The following STAM variants were observed in gnomAD, a reference collection of about 807,000 sequenced individuals.
STAM encodes the protein signal transducing adaptor molecule, also known as signal transducing adapter molecule 1.
A neutral mutation model predicts 63.4 loss-of-function variants in STAM; 16 were observed. The observed-to-expected ratio is 0.25, with a 90% confidence interval of 0.17 to 0.38. The LOEUF (loss-of-function observed/expected upper bound fraction) is 0.38. STAM is among the 10% of genes least tolerant of loss of function. The pLI is 1.00. For missense variants in STAM, 636 were observed against 657.1 expected (o/e 0.97, Z 0.35); for synonymous variants, 238 against 223.9 (o/e 1.06, Z -0.56).
chr10:17,675,739 G>C (rs534282121), intron 2 of STAM, among the ~76,000 whole-genome samples: 1 of 152,188 alleles, frequency 6.6e-6, no homozygotes, highest in South Asian at 2.1e-4. Flanking sequence ...CACCTAGAAG[G>C]TAATTAATGA....
At chr10:17,673,138 A>T (rs563940140) in intron 2 of STAM, 5 of 622,018 alleles carry the variant, frequency 8.0e-6, no homozygotes, top group East Asian at 1.4e-4. Context: ...TTCTCTTACC[A>T]TGTATTTTTA....
intron 5 of STAM, among the ~76,000 whole-genome samples, chr10:17,691,580 A>G (rs1835539292): frequency 6.6e-6 from 1 of 152,210 alleles, no homozygotes; most frequent in Non-Finnish European, 1.5e-5. Flanking sequence ...TAAGTGAGGA[A>G]TGTAGAACTG....
intron 2 of STAM, among the ~76,000 whole-genome samples, chr10:17,683,940 C>T (rs17463996): frequency 0.12 from 18,791 of 152,130 alleles, 1,245 homozygotes; most frequent in Middle Eastern, 0.26. Flanking sequence ...TGGTTACATT[C>T]GTCTGTGGCT....
chr10:17,711,820 A>G (rs1436408943), intron 13 of STAM, among the ~76,000 whole-genome samples: 1 of 152,218 alleles, frequency 6.6e-6, no homozygotes, highest in African/African-American at 2.4e-5. Context: ...TCTTAGGGAT[A>G]ATGAAAAAGT....
At chr10:17,689,495 A>G (rs1166960211) in intron 5 of STAM, among the ~76,000 whole-genome samples, 2 of 152,252 alleles carry the variant, frequency 1.3e-5, no homozygotes, top group Non-Finnish European at 2.9e-5. Context: ...ATTTTGGTTT[A>G]AAATTTTCTT....
In STAM at chr10:17,695,118, C is replaced by A; in HGVS notation, c.605C>A (p.Ser202Tyr). 1 of 1,614,074 alleles carries A rather than the reference C, an allele frequency of 6.2e-7. No homozygotes were observed. The highest frequency in any genetic ancestry group is 1.1e-5 in the South Asian group (1 of 91,076). Residue 202 changes from serine (S) to tyrosine (Y), a missense_variant, in exon 7 of 14, where the codon TCC becomes TAC. Around this residue, in one of 3 missense-constraint regions of STAM, gnomAD observed 532 missense variants for 536.9 expected, o/e 0.99. Coordinates refer to ENST00000377524, the MANE Select transcript of STAM (RefSeq NM_003473.4). ...CTTTCCACTTTGTATCCAAGCACAT[C>A]CAGTCTCTTAACTAACCACCAACAT... ...TTLSTLYPST[S>Y]SLLTNHQHEG... is the part of the protein sequence containing the mutation.
chr10:17,705,920 A>T (rs1300546989), intron 12 of STAM, among the ~76,000 whole-genome samples, 179 bp downstream of exon 12: 1 of 151,828 alleles, frequency 6.6e-6, no homozygotes, highest in Non-Finnish European at 1.5e-5. Flanking sequence ...AAAAAAAAAA[A>T]AATTAGCCAG....
intron 4 of STAM, 54 bp from the exon 5 acceptor site, chr10:17,687,973 T>C: frequency 6.8e-7 from 1 of 1,460,802 alleles, no homozygotes; most frequent in Middle Eastern, 1.9e-4. Flanking sequence ...AATGTCTGTA[T>C]TAAATCATTG....
intron 2 of STAM, among the ~76,000 whole-genome samples, chr10:17,661,935 T>C (rs1834186571): frequency 6.6e-6 from 1 of 152,204 alleles, no homozygotes. Context: ...CATTTTAGTA[T>C]ATTCTGACCT....
chr10:17,679,035 G>A (rs782036090), intron 2 of STAM, among the ~76,000 whole-genome samples: 1 of 152,084 alleles, frequency 6.6e-6, no homozygotes, highest in Non-Finnish European at 1.5e-5. Context: ...TGGACATTTG[G>A]CTGTTGTGAA....
At chr10:17,696,244 CA>C (rs1835750666) in intron 7 of STAM, 1 of 151,366 alleles carries the variant, frequency 6.6e-6, no homozygotes, top group East Asian at 1.9e-4. Flanking sequence ...TCTGTTCTTT[CA>C]AAAACATGTA....
chr10:17,644,317 G>A lies in STAM; in HGVS notation c.-23G>A. Reference sequence around the variant, plus strand: ...CGTGCTGTCGAGAGGGAGTCCCCGGGGACACCTCGGCACGCAGCGGAGATG... The same window carrying A: ...CGTGCTGTCGAGAGGGAGTCCCCGGAGACACCTCGGCACGCAGCGGAGATG... On this transcript the variant is annotated 5_prime_UTR_variant, in exon 1 of 14. Transcript: ENST00000377524. 1 of 1,614,054 alleles carries A rather than the reference G, an allele frequency of 6.2e-7. No homozygotes were observed. The highest frequency in any genetic ancestry group is 8.5e-7 in the Non-Finnish European group (1 of 1,179,990).
rs868991670 is a variant in STAM at position 17,695,084 on chromosome 10, T to G, written c.571T>G (p.Ser191Ala). ...GTCTCTCAAGGAACAAAGGCAGCAG[T>G]CAACCACCCTTTCCACTTTGTATCC... ...ELSLKEQRQQ[S>A]TTLSTLYPST... is the part of the protein sequence containing the mutation. Residue 191 changes from serine to alanine, a missense_variant, in exon 7 of 14, where the codon TCA becomes GCA. Transcript: ENST00000377524. 1.3e-5 allele frequency: 21 copies of G among 1,613,828 alleles called. No individual in the cohort carries two copies. The highest frequency in any genetic ancestry group is 1.6e-4 in the Middle Eastern group (1 of 6,080).
intron 1 of STAM, among the ~76,000 whole-genome samples, chr10:17,652,370 A>T (rs1202204629): frequency 6.6e-6 from 1 of 152,178 alleles, no homozygotes; most frequent in African/African-American, 2.4e-5. Context: ...TGTGTTTCTG[A>T]TCCATCCATA....
At chr10:17,651,064 CAAAAAAAAAAAAAAA>C (rs10606057) in intron 1 of STAM, among the ~76,000 whole-genome samples, 10 of 55,770 alleles carry the variant, frequency 1.8e-4, no homozygotes, top group South Asian at 8.4e-4. Context: ...GAGTCCGTCT[CAAAAAAAAAAAAAAA>C]AAAAAAAAAA....
intron 13 of STAM, 128 bp from the exon 14 acceptor site, chr10:17,714,415 C>A: frequency 1.2e-6 from 1 of 862,444 alleles, no homozygotes; most frequent in Non-Finnish European, 1.9e-6. Flanking sequence ...CACATTATAG[C>A]TGTTTAGTAA....
chr10:17,708,725 A>G (rs373382713), intron 12 of STAM, 51 bp from the exon 13 acceptor site: 380 of 1,519,724 alleles, frequency 2.5e-4, no homozygotes, highest in Non-Finnish European at 3.2e-4. Flanking sequence ...AAAGTTCAGT[A>G]TGCTTATTAA....
chr10:17,654,630 G>C (rs1385223888), intron 1 of STAM, among the ~76,000 whole-genome samples: 1 of 152,104 alleles, frequency 6.6e-6, no homozygotes, highest in Non-Finnish European at 1.5e-5. Flanking sequence ...CTGAGAGCAT[G>C]GTTATTGAAA....
chr10:17,714,763 C>T lies in STAM; in HGVS notation c.1606C>T (p.Gln536Ter), dbSNP rs1836736393. Residue 536 changes from glutamine to a stop codon, truncating the protein, a stop_gained, in exon 14 of 14, where the codon CAG becomes TAG. Transcript: ENST00000377524. LOFTEE classifies it high-confidence loss of function. ...QPPQPQQPYS[Q>*]KALL is the part of the protein sequence containing the mutation. The stretch of plus-strand genomic sequence containing the variant: ...ACCTCAGCCACAGCAACCATATTCT[C>T]AGAAGGCTCTGCTATAGGACCCGGT... The T allele has an allele frequency of 6.2e-7, 1 of 1,614,000 alleles. No individual in the cohort carries two copies. Among genetic ancestry groups the T allele is most frequent in the South Asian group, 1.1e-5 (1 of 91,060 alleles).
Sources: gnomAD v4.1 joint callset for allele counts (sites outside exome capture counted in the v4.1 genomes callset) on GRCh38, gnomAD v4.1.1 for gene constraint, gnomAD v4.1.1 regional missense constraint, MANE v1.5 for transcripts, NCBI Gene and HGNC (gene_info 2026-07-23, HGNC 2026-07-21) for gene names.